Variants in STIM1 observed in about 807,000 individuals in gnomAD.
STIM1 encodes the protein stromal interaction molecule 1.
STIM1 carries 25 observed loss-of-function variants against 74.7 expected under a neutral mutation model. The ratio of observed to expected loss-of-function variants is 0.33; its 90% confidence interval spans 0.24 to 0.47. The LOEUF is 0.47. Among genes scored for constraint, STIM1 ranks in the 20% least tolerant of loss-of-function variants. The probability of loss-of-function intolerance (pLI) is 1.00; values close to 1 mark genes in which losing one functional copy is unlikely to be tolerated. For synonymous variants in STIM1, 328 were observed against 348.8 expected (o/e 0.94, Z 0.66); for missense variants, 728 against 920.8 (o/e 0.79, Z 2.71).
intron 2 of STIM1, among the ~76,000 whole-genome samples, chr11:3,980,085 A>G (rs956725896): frequency 1.3e-5 from 2 of 152,084 alleles, no homozygotes; most frequent in Non-Finnish European, 2.9e-5. Context: ...AATGATTTTG[A>G]TTGTATTGTT....
rs576333998 is a variant in STIM1 at position 3,887,367 on chromosome 11, A to G, written c.139+30958A>G. ...GGGCAAAACTGGAAACATGGGCATT[A>G]TGAAACCTGGGCCATACATCTAGAA... On this transcript the variant is annotated intron_variant, in intron 1 of 12. Transcript: ENST00000526596. Among the ~76,000 whole-genome samples the G allele has an allele frequency of 3.4e-4, 52 of 152,358 alleles. No homozygotes were observed. In the South Asian group the frequency reaches 3.7e-3, roughly 11 times the overall value.
chr11:3,997,469 A>G (rs895626700), intron 2 of STIM1, among the ~76,000 whole-genome samples: 3 of 152,156 alleles, frequency 2.0e-5, no homozygotes, highest in African/African-American at 7.2e-5. Flanking sequence ...AGCCTTAGCA[A>G]TATATCGAAA....
chr11:3,895,720 TTCTTTCTTTCTTTCTTTTTCTTTCTTC>T (rs1565105218), intron 1 of STIM1, among the ~76,000 whole-genome samples: 2 of 39,824 alleles, frequency 5.0e-5, no homozygotes, highest in African/African-American at 3.3e-4. Flanking sequence ...CTTTCTTTCT[TTCTTTCTTTCTTTCTTTTTCTTTCTTC>T]CTTCCTTCCT....
Position 4,089,963 on chromosome 11 carries a change from T to G in STIM1, c.1635-1319T>G, listed in dbSNP as rs117960989. Among the ~76,000 whole-genome samples the G allele has an allele frequency of 8.5e-3, 1,295 of 152,266 alleles. 8 individuals are homozygous for G. Among genetic ancestry groups the G allele is most frequent in the Non-Finnish European group, 0.013 (882 of 68,020 alleles). ...GCACCTCCATATCTACCTTTTTGTC[T>G]GTAGAGCAGGAGGAGTGGCATCTGG... On this transcript the variant is annotated intron_variant, in intron 12 of 12. Coordinates refer to ENST00000526596, the MANE Select transcript of STIM1 (RefSeq NM_001382567.1).
At chr11:3,966,451 T>C (rs1415428449) in intron 1 of STIM1, among the ~76,000 whole-genome samples, 1 of 149,738 alleles carries the variant, frequency 6.7e-6, no homozygotes, top group African/African-American at 2.6e-5. Context: ...AGGTCTTTGA[T>C]TAGTGCCTTC....
intron 1 of STIM1, among the ~76,000 whole-genome samples, chr11:3,871,195 A>T (rs2091082344): frequency 6.6e-6 from 1 of 152,128 alleles, no homozygotes; most frequent in Non-Finnish European, 1.5e-5. Context: ...ACCAGAGAGA[A>T]GATGATTAAT....
At position 4,089,704 on chromosome 11, in the gene STIM1, A is replaced by G. The variant is rs1201261897; in HGVS notation, c.1635-1578A>G. Reference sequence around the variant, plus strand: ...CTTCCAACTGAGAATTAAATCTACAATAGCTATGAGCCAACCCCCTGCTTT... The same window carrying G: ...CTTCCAACTGAGAATTAAATCTACAGTAGCTATGAGCCAACCCCCTGCTTT... On this transcript the variant is annotated intron_variant, in intron 12 of 12. Coordinates refer to ENST00000526596, the MANE Select transcript of STIM1 (RefSeq NM_001382567.1). 2.0e-5 allele frequency among the ~76,000 whole-genome samples: 3 copies of G among 152,190 alleles called. No homozygotes were observed. The East Asian group carries it at 5.8e-4, about 29-fold the overall frequency.
chr11:3,909,216 CTG>C (rs1414307947), intron 1 of STIM1, among the ~76,000 whole-genome samples: 3 of 152,174 alleles, frequency 2.0e-5, no homozygotes, highest in Non-Finnish European at 1.5e-5. Flanking sequence ...TAAGATGAAA[CTG>C]GGGTCAGTGA....
intron 1 of STIM1, among the ~76,000 whole-genome samples, chr11:3,912,905 A>G (rs956069213): frequency 1.3e-5 from 2 of 152,148 alleles, no homozygotes; most frequent in African/African-American, 4.8e-5. Context: ...TATATCATGT[A>G]CTTAAAAACA....
chr11:3,863,234 G>A (rs1029085453), intron 1 of STIM1, among the ~76,000 whole-genome samples: 9 of 63,558 alleles, frequency 1.4e-4, no homozygotes, highest in Non-Finnish European at 1.9e-4. Context: ...GTGTGTGTGT[G>A]TGTGTGTGTG....
intron 1 of STIM1, among the ~76,000 whole-genome samples, chr11:3,940,712 A>G (rs796768046): frequency 6.6e-6 from 1 of 152,196 alleles, no homozygotes; most frequent in Non-Finnish European, 1.5e-5. Flanking sequence ...TTGGAGAAAG[A>G]GAAAAGGGGG....
chr11:4,091,306 G>T lies in STIM1; in HGVS notation c.1659G>T (p.Glu553Asp). The T allele has an allele frequency of 6.2e-7, 1 of 1,614,152 alleles. No homozygotes were observed. The highest frequency in any genetic ancestry group is 8.5e-7 in the Non-Finnish European group (1 of 1,180,040). ...GGGATTTGACCCATTCCGATTCGGA[G>T]TCCTCCCTCCACATGAGTGACCGCC... is the stretch of plus-strand genomic sequence containing the variant. ...SQRDLTHSDSESSLHMSDRQR... is the reference protein window; with the variant it reads ...SQRDLTHSDSDSSLHMSDRQR... Residue 553 changes from glutamate (E) to aspartate (D), a missense_variant, in exon 13 of 13, where the codon GAG (glutamate) becomes GAT (aspartate). Physicochemically the swap from Glu to Asp is conservative, Grantham distance 45 (BLOSUM62 2). This residue lies in a region of STIM1 where 352 missense variants were observed against 370.1 expected (regional missense o/e 0.95). Transcript: ENST00000526596.
intron 3 of STIM1, among the ~76,000 whole-genome samples, chr11:4,048,848 C>A (rs923142106): frequency 6.6e-6 from 1 of 152,190 alleles, no homozygotes; most frequent in South Asian, 2.1e-4. Flanking sequence ...ATTCTCCTAC[C>A]TTAGCCTCCT....
At chr11:4,034,127 G>T (rs1251667572) in intron 3 of STIM1, among the ~76,000 whole-genome samples, 4 of 151,900 alleles carry the variant, frequency 2.6e-5, no homozygotes, top group Admixed American at 2.0e-4. Context: ...TACTTGGGAG[G>T]CTGAGGCAGG....
intron 2 of STIM1, among the ~76,000 whole-genome samples, chr11:4,013,362 C>T (rs562810393): frequency 1.4e-4 from 22 of 152,188 alleles, no homozygotes; most frequent in African/African-American, 5.1e-4. Context: ...CTGGACTTTT[C>T]TTGGTTGGTA....
Position 3,967,611 on chromosome 11 carries a change from G to C in STIM1, c.199G>C (p.Ala67Pro), listed in dbSNP as rs1317286420. 1.9e-6 allele frequency: 3 copies of C among 1,614,252 alleles called. No homozygotes were observed. The highest frequency in any genetic ancestry group is 2.5e-6 in the Non-Finnish European group (3 of 1,180,040). The stretch of plus-strand genomic sequence containing the variant: ...TGAGGATGAGAAACTCAGCTTCGAG[G>C]CAGTCCGTAACATCCACAAACTGAT... ...HSEDEKLSFE[A>P]VRNIHKLMDD... is the part of the protein sequence containing the mutation. The change falls in exon 2 of 13, where the codon GCA becomes CCA. Residue 67 changes from alanine (A) to proline (P), a missense_variant. Physicochemically the swap from Ala to Pro is conservative, Grantham distance 27. Around this residue, in one of 5 missense-constraint regions of STIM1, gnomAD observed 51 missense variants for 101.1 expected, o/e 0.50. Coordinates refer to ENST00000526596, the MANE Select transcript of STIM1 (RefSeq NM_001382567.1).
Position 4,070,145 on chromosome 11 carries a change from A to G in STIM1, c.733A>G (p.Met245Val), listed in dbSNP as rs755714206. The G allele has an allele frequency of 6.8e-6, 11 of 1,614,172 alleles. No individual in the cohort carries two copies. Among genetic ancestry groups the G allele is most frequent in the South Asian group, 1.1e-5 (1 of 91,076 alleles). The stretch of plus-strand genomic sequence containing the variant: ...CTCCAAGGAGCACATGAAGAAGATG[A>G]TGAAGGACTTGGAGGGGTTACACCG... ...RYSKEHMKKM[M>V]KDLEGLHRAE... Residue 245 changes from methionine (M) to valine (V), a missense_variant, in exon 6 of 13, where the codon ATG (methionine) becomes GTG (valine). Around this residue, in one of 5 missense-constraint regions of STIM1, gnomAD observed 132 missense variants for 158.2 expected, o/e 0.83. Transcript: ENST00000526596.
In STIM1 at chr11:4,069,310, C is replaced by T. The variant is rs369480828; in HGVS notation, c.614-716C>T. On this transcript the variant is annotated intron_variant, in intron 5 of 12. Coordinates refer to ENST00000526596, the MANE Select transcript of STIM1 (RefSeq NM_001382567.1). ...TGGACAATGGGCATTCTTTGAACCC[C>T]AGCTGGTGGCTGGGGCCCTCGTGGT... 1.7e-4 allele frequency among the ~76,000 whole-genome samples: 26 copies of T among 152,244 alleles called. No individual in the cohort carries two copies. In the South Asian group the frequency reaches 3.7e-3, roughly 22 times the overall value.
intron 1 of STIM1, among the ~76,000 whole-genome samples, chr11:3,861,886 A>G (rs1193067265): frequency 6.6e-6 from 1 of 152,036 alleles, no homozygotes; most frequent in African/African-American, 2.4e-5. Flanking sequence ...TCTCTACAGG[A>G]CTTGAGTTTC....
Sources: gnomAD v4.1 joint callset for allele counts (sites outside exome capture counted in the v4.1 genomes callset) on GRCh38, gnomAD v4.1.1 for gene constraint, gnomAD v4.1.1 regional missense constraint, MANE v1.5 for transcripts, NCBI Gene and HGNC (gene_info 2026-07-23, HGNC 2026-07-21) for gene names.